The following MMP11 variants were observed in gnomAD, a reference collection of about 807,000 sequenced individuals.
MMP11 encodes matrix metallopeptidase 11.
Under a neutral mutation model 49.5 loss-of-function variants are expected in MMP11, and 26 were observed. The observed-to-expected ratio is 0.52, with a 90% confidence interval of 0.38 to 0.73. MMP11 has a LOEUF of 0.73. MMP11 is among the 30% of genes least tolerant of loss of function. The pLI is 0.00. For missense variants in MMP11, 624 were observed against 671.2 expected (o/e 0.93, Z 0.78); for synonymous variants, 265 against 282.3 (o/e 0.94, Z 0.62).
chr22:23,779,778 G>A (rs548985674), intron 2 of MMP11: 64 of 339,842 alleles, frequency 1.9e-4, no homozygotes, highest in African/African-American at 1.3e-3. Context: ...CATCCTCTGT[G>A]TCAGTCTGAG....
At chr22:23,779,680 C>A (rs28363654) in intron 2 of MMP11, 4 of 539,056 alleles carry the variant, frequency 7.4e-6, no homozygotes, top group Non-Finnish European at 1.3e-5. Context: ...TGCCTGCGGA[C>A]GGGTGTTCAG....
intron 1 of MMP11, among the ~76,000 whole-genome samples, chr22:23,778,850 T>C (rs1198094465): frequency 6.6e-6 from 1 of 152,174 alleles, no homozygotes; most frequent in Non-Finnish European, 1.5e-5. Flanking sequence ...AGGAAGCTTT[T>C]TGGGGTCCAT....
chr22:23,782,488 G>C lies in MMP11; in HGVS notation c.1333+5G>C. On this transcript the variant is annotated splice_donor_5th_base_variant and intron_variant, in intron 7 of 7. Transcript: ENST00000215743. ...CTGCCTTCCAGGATGCTGATGGTGC[G>C]TTGGGGGTGAGGCAGCTGGTGGGAG... The C allele has an allele frequency of 6.2e-7, 1 of 1,602,176 alleles. No homozygotes were observed. Among genetic ancestry groups the C allele is most frequent in the Non-Finnish European group, 8.5e-7 (1 of 1,173,084 alleles).
chr22:23,781,171 G>A (rs769949204), intron 5 of MMP11, 22 bp from the exon 6 acceptor site: 3 of 1,610,154 alleles, frequency 1.9e-6, no homozygotes, highest in African/African-American at 2.7e-5. Context: ...CCCTCAGCAT[G>A]TGTCCCTCTC....
Position 23,772,930 on chromosome 22 carries a change from G to A in MMP11, c.60G>A (p.Leu20=). ...CGCGCGCCCTCCTGCCCCCGATGCTGCTGCTGCTGCTCCAGCCGCCGCCGC... is the reference window on the plus strand; with the variant it reads ...CGCGCGCCCTCCTGCCCCCGATGCTACTGCTGCTGCTCCAGCCGCCGCCGC... ...AAARALLPPM[L]LLLLQPPPLL... is the part of the protein sequence containing the mutation. Residue 20 remains leucine, a synonymous_variant, in exon 1 of 8, where the codon CTG becomes CTA. Transcript: ENST00000215743. 1.6e-6 allele frequency: 2 copies of A among 1,213,256 alleles called. No homozygotes were observed. The highest frequency in any genetic ancestry group is 3.2e-5 in the South Asian group (1 of 31,456). The allele number at this position is 1,213,256 out of a possible 1,614,324, so 75.2% of individuals were successfully genotyped here. A position where few individuals can be genotyped will look rare whatever the true frequency, so the allele number is the denominator to read the frequency against.
rs1457276313 is a variant in MMP11 at position 23,780,928 on chromosome 22, C to T, written c.686C>T (p.Ala229Val). 1 of 1,613,828 alleles carries T rather than the reference C, an allele frequency of 6.2e-7. No individual in the cohort carries two copies. Among genetic ancestry groups the T allele is most frequent in the Non-Finnish European group, 8.5e-7 (1 of 1,180,030 alleles). Residue 229 changes from alanine (A) to valine (V), a missense_variant, in exon 5 of 8, where the codon GCC becomes GTC. Physicochemically the swap from Ala to Val is moderately conservative, Grantham distance 64. Transcript: ENST00000215743. This position sits in a 1 kb window ranked among gnomAD's most constrained non-coding sequence, Gnocchi z 4.6. ...CTGGGGCTGCAGCACACAACAGCAG[C>T]CAAGGCCCTGATGTCCGCCTTCTAC... ...HVLGLQHTTA[A>V]KALMSAFYTF...
At chr22:23,779,942 C>T (rs976226517) in intron 2 of MMP11, 4 of 258,934 alleles carry the variant, frequency 1.5e-5, no homozygotes, top group Admixed American at 4.8e-5. Flanking sequence ...GAGGCTCACA[C>T]ATCCTGCGGG....
intron 1 of MMP11, among the ~76,000 whole-genome samples, chr22:23,774,894 AGTTGACCCCAGGGCGGG>A (rs1043206601): frequency 6.6e-6 from 1 of 152,052 alleles, no homozygotes; most frequent in Non-Finnish European, 1.5e-5. Flanking sequence ...CTGGATTGCA[AGTTGACCCCAGGGCGGG>A]GTTGACTCCG....
Position 23,780,398 on chromosome 22 carries a change from G to A in MMP11, c.378G>A (p.Val126=). The change falls in exon 3 of 8, where the codon GTG becomes GTA. Residue 126 remains valine (V), a synonymous_variant. Coordinates refer to ENST00000215743, the MANE Select transcript of MMP11 (RefSeq NM_005940.5). The surrounding 1 kb of genome is among the most constrained non-coding windows in gnomAD (Gnocchi z 4.6). Reference sequence around the variant, plus strand: ...CATGGCAGTTGGTGCAGGAGCAGGTGCGGCAGACGATGGCAGAGGCCCTAA... The same window carrying A: ...CATGGCAGTTGGTGCAGGAGCAGGTACGGCAGACGATGGCAGAGGCCCTAA... The part of the protein sequence containing the change: ...RFPWQLVQEQ[V]RQTMAEALKV... 6.2e-7 allele frequency: 1 copy of A among 1,613,618 alleles called. No individual in the cohort carries two copies.
chr22:23,779,164 C>T (rs1468473805), intron 1 of MMP11, 23 bp from the exon 2 acceptor site: 1 of 1,546,552 alleles, frequency 6.5e-7, no homozygotes, highest in Non-Finnish European at 8.7e-7. Flanking sequence ...CTGACCAGAC[C>T]CTCATGTCAT....
In MMP11 at chr22:23,780,757, A is replaced by G. The variant is rs201671396; in HGVS notation, c.616+42A>G. 27 of 1,551,586 alleles carry G rather than the reference A, an allele frequency of 1.7e-5. No individual in the cohort carries two copies. In the African/African-American group the frequency reaches 2.5e-4, roughly 14 times the overall value. On this transcript the variant is annotated intron_variant, in intron 4 of 7. Coordinates refer to ENST00000215743, the MANE Select transcript of MMP11 (RefSeq NM_005940.5). The surrounding 1 kb of genome is among the most constrained non-coding windows in gnomAD (Gnocchi z 4.6). ...CATTTTCCAGATGGGGCAACCGAAG[A>G]TCATAAAGAATGGGGACTCGCCAAG...
In MMP11 at chr22:23,783,600, C is replaced by A. The variant is rs574807464; in HGVS notation, c.*56C>A. The stretch of plus-strand genomic sequence containing the variant: ...CCCCTGCCAGGCCACGAATATCAGG[C>A]TAGAGACCCATGGCCATCTTTGTGG... On this transcript the variant is annotated 3_prime_UTR_variant, in exon 8 of 8. Coordinates refer to ENST00000215743, the MANE Select transcript of MMP11 (RefSeq NM_005940.5). 30 of 1,604,106 alleles carry A rather than the reference C, an allele frequency of 1.9e-5. No individual in the cohort carries two copies. The East Asian group carries it at 6.7e-4, about 36-fold the overall frequency.
chr22:23,780,472 G>T lies in MMP11; in HGVS notation c.452G>T (p.Gly151Val). The part of the protein sequence containing the change: ...TPLTFTEVHE[G>V]RADIMIDFAR... ...CTCACCTTTACTGAGGTGCACGAGG[G>T]CCGTGCTGACATCATGATCGACTTC... The change falls in exon 3 of 8, where the codon GGC (glycine) becomes GTC (valine). Residue 151 changes from glycine to valine, a missense_variant. Gly to Val is a moderately radical substitution (Grantham distance 109). Transcript: ENST00000215743. This position sits in a 1 kb window ranked among gnomAD's most constrained non-coding sequence, Gnocchi z 4.6. 6.2e-7 allele frequency: 1 copy of T among 1,614,026 alleles called. No homozygotes were observed. The highest frequency in any genetic ancestry group is 8.5e-7 in the Non-Finnish European group (1 of 1,180,022).
intron 1 of MMP11, among the ~76,000 whole-genome samples, chr22:23,773,484 C>T (rs1278215373): frequency 6.6e-6 from 1 of 152,164 alleles, no homozygotes; most frequent in African/African-American, 2.4e-5. Context: ...GAGATGTCCC[C>T]CGCGGGCACC....
chr22:23,776,414 C>T (rs1388540354), intron 1 of MMP11, among the ~76,000 whole-genome samples: 3 of 152,228 alleles, frequency 2.0e-5, no homozygotes, highest in Non-Finnish European at 4.4e-5. Flanking sequence ...AGCCCACATC[C>T]TCCATGGGAG....
chr22:23,780,817 G>A lies in MMP11; in HGVS notation c.617-42G>A. On this transcript the variant is annotated intron_variant, in intron 4 of 7. Transcript: ENST00000215743. The surrounding 1 kb of genome is among the most constrained non-coding windows in gnomAD (Gnocchi z 4.6). ...CTGGGGTCTGGAGCTGGATGTCCTG[G>A]GCAGGAGGTTCGGGGGTTGCTGAGC... 1.3e-6 allele frequency: 2 copies of A among 1,592,438 alleles called. No individual in the cohort carries two copies. Among genetic ancestry groups the A allele is most frequent in the Non-Finnish European group, 1.7e-6 (2 of 1,168,738 alleles).
rs756686107 is a variant in MMP11 at position 23,780,866 on chromosome 22, C to T, written c.624C>T (p.Asp208=). The part of the protein sequence containing the change: ...TWTIGDDQGT[D]LLQVAAHEFG... ...GCCACCTCCCTTTTTCAGGCACAGA[C>T]CTGCTGCAGGTGGCAGCCCATGAAT... Residue 208 remains aspartate, a synonymous_variant, in exon 5 of 8, where the codon GAC becomes GAT. Coordinates refer to ENST00000215743, the MANE Select transcript of MMP11 (RefSeq NM_005940.5). This position sits in a 1 kb window ranked among gnomAD's most constrained non-coding sequence, Gnocchi z 4.6. 6.2e-7 allele frequency: 1 copy of T among 1,613,202 alleles called. No homozygotes were observed. The highest frequency in any genetic ancestry group is 1.7e-5 in the Admixed American group (1 of 59,966).
chr22:23,780,768 T>TGGG lies in MMP11; in HGVS notation c.616+55_616+57dup. Reference sequence around the variant, plus strand: ...TGGGGCAACCGAAGATCATAAAGAATGGGGACTCGCCAAGGTCACTGAGCT... The same window carrying TGGG: ...TGGGGCAACCGAAGATCATAAAGAATGGGGGGGACTCGCCAAGGTCACTGAGCT... On this transcript the variant is annotated intron_variant, in intron 4 of 7. Coordinates refer to ENST00000215743, the MANE Select transcript of MMP11 (RefSeq NM_005940.5). The surrounding 1 kb of genome is among the most constrained non-coding windows in gnomAD (Gnocchi z 4.6). 1 of 1,556,904 alleles carries TGGG rather than the reference T, an allele frequency of 6.4e-7. No homozygotes were observed. Among genetic ancestry groups the TGGG allele is most frequent in the Non-Finnish European group, 8.7e-7 (1 of 1,152,792 alleles).
rs572385875 is a variant in MMP11, at chr22:23,779,662, G to A, written c.338+246G>A. On this transcript the variant is annotated intron_variant, in intron 2 of 7. Transcript: ENST00000215743. Reference sequence around the variant, plus strand: ...AGCCTCCGTCATCATGCAAAGAGTCGCAGCACATGCCTGCGGACGGGTGTT... The same window carrying A: ...AGCCTCCGTCATCATGCAAAGAGTCACAGCACATGCCTGCGGACGGGTGTT... 1.2e-4 allele frequency: 69 copies of A among 563,636 alleles called. 1 individual carries two copies. The South Asian group carries it at 1.5e-3, about 12-fold the overall frequency. 34.9% of individuals were successfully genotyped at this position (563,636 alleles called of 1,614,324 possible). A position where few individuals can be genotyped will look rare whatever the true frequency, so the allele number is the denominator to read the frequency against.
Sources: gnomAD v4.1 joint callset for allele counts (sites outside exome capture counted in the v4.1 genomes callset) on GRCh38, gnomAD v4.1.1 for gene constraint, Gnocchi (gnomAD v3.1) non-coding constraint, MANE v1.5 for transcripts, NCBI Gene and HGNC (gene_info 2026-07-23, HGNC 2026-07-21) for gene names.